RANBP17: variants seen among roughly 807,000 people sequenced by gnomAD.
RANBP17 encodes the protein ran-binding protein 17.
RANBP17 carries 158 observed loss-of-function variants against 141.2 expected under a neutral mutation model. That is an observed-to-expected ratio of 1.12 (90% CI 0.98 to 1.28). The LOEUF (loss-of-function observed/expected upper bound fraction) is 1.28. Ranked by LOEUF, RANBP17 falls within the 50% of genes most tolerant of loss-of-function variation. RANBP17 has a pLI of 0.00. For synonymous variants in RANBP17, 430 were observed against 450.0 expected, an observed-to-expected ratio of 0.96 and a Z score of 0.56; for missense variants, 1,438 against 1,290.7, an observed-to-expected ratio of 1.11 and a Z score of -1.75.
intron 18 of RANBP17, among the ~76,000 whole-genome samples, chr5:171,184,867 A>G (rs1016462258): frequency 6.6e-6 from 1 of 152,152 alleles, no homozygotes; most frequent in Non-Finnish European, 1.5e-5. Context: ...TCTTAATTTA[A>G]AATACTTTAT....
chr5:170,864,185 A>G (rs1767050602), intron 1 of RANBP17, among the ~76,000 whole-genome samples: 1 of 152,188 alleles, frequency 6.6e-6, no homozygotes, highest in Non-Finnish European at 1.5e-5. Flanking sequence ...AGTAGGCCTC[A>G]TAACTCATAA....
At chr5:171,107,890 C>T (rs1184020931) in intron 14 of RANBP17, among the ~76,000 whole-genome samples, 2 of 152,154 alleles carry the variant, frequency 1.3e-5, no homozygotes, top group African/African-American at 4.8e-5. Flanking sequence ...AATCATTTAC[C>T]ACTATGCTCC....
chr5:170,985,250 A>G (rs760180259), intron 14 of RANBP17, among the ~76,000 whole-genome samples: 7 of 152,134 alleles, frequency 4.6e-5, no homozygotes, highest in Non-Finnish European at 8.8e-5. Flanking sequence ...AGCTTACCCT[A>G]CCATAAACAT....
At chr5:171,097,514 A>G (rs1445876873) in intron 14 of RANBP17, among the ~76,000 whole-genome samples, 2 of 151,724 alleles carry the variant, frequency 1.3e-5, no homozygotes, top group Non-Finnish European at 2.9e-5. Context: ...TATTGTCCTC[A>G]TTTTAGAGAA....
intron 12 of RANBP17, 154 bp downstream of exon 12, chr5:170,924,704 T>C (rs1227846879): frequency 2.0e-6 from 1 of 500,724 alleles, no homozygotes; most frequent in Non-Finnish European, 3.4e-6. Flanking sequence ...CCTGGGTATA[T>C]TGGTAATTTG....
intron 14 of RANBP17, among the ~76,000 whole-genome samples, chr5:171,041,045 G>A (rs961100773): frequency 1.1e-4 from 17 of 152,150 alleles, no homozygotes; most frequent in African/African-American, 3.9e-4. Context: ...GCTTGCTCAC[G>A]TAACTGTTAA....
chr5:170,942,620 A>C (rs1026433849), intron 12 of RANBP17, among the ~76,000 whole-genome samples: 1 of 152,196 alleles, frequency 6.6e-6, no homozygotes, highest in Admixed American at 6.5e-5. Context: ...ATATTGACTC[A>C]TGCTTACTTC....
chr5:171,062,852 T>C (rs547516255), intron 14 of RANBP17, among the ~76,000 whole-genome samples: 3,997 of 152,088 alleles, frequency 0.026, 134 homozygotes, highest in African/African-American at 0.09. Context: ...GGAGGCTTTG[T>C]TCGTTTCTTT....
At chr5:171,293,224 G>A (rs1017355228) in intron 25 of RANBP17, among the ~76,000 whole-genome samples, 12 of 152,148 alleles carry the variant, frequency 7.9e-5, no homozygotes, top group Admixed American at 3.9e-4. Context: ...TCTCCCCCAG[G>A]AGGTTTCAAA....
At chr5:171,277,643 A>ATATATATATATATATT (rs1767593589) in intron 25 of RANBP17, among the ~76,000 whole-genome samples, 1 of 117,222 alleles carries the variant, frequency 8.5e-6, no homozygotes, top group African/African-American at 3.4e-5. Flanking sequence ...GTATGTATAT[A>ATATATATATATATATT]TATATATATA....
chr5:170,916,882 AT>A, intron 9 of RANBP17, among the ~76,000 whole-genome samples: 1 of 151,762 alleles, frequency 6.6e-6, no homozygotes, highest in Non-Finnish European at 1.5e-5. Context: ...ACCTCTGCTA[AT>A]TTTTGTATTT....
At chr5:171,064,719 C>A (rs999861363) in intron 14 of RANBP17, among the ~76,000 whole-genome samples, 1 of 151,980 alleles carries the variant, frequency 6.6e-6, no homozygotes, top group Admixed American at 6.6e-5. Context: ...TGGGGTTTCT[C>A]CATGTTGCGT....
intron 13 of RANBP17, among the ~76,000 whole-genome samples, chr5:170,963,376 C>T (rs530660430): frequency 7.9e-5 from 12 of 152,224 alleles, no homozygotes; most frequent in Middle Eastern, 3.4e-3. Flanking sequence ...CACAAAAATA[C>T]CTGATTCAGG....
chr5:170,952,494 A>G (rs1253867241), intron 12 of RANBP17, among the ~76,000 whole-genome samples: 1 of 152,112 alleles, frequency 6.6e-6, no homozygotes, highest in African/African-American at 2.4e-5. Flanking sequence ...ACCAAAAATT[A>G]TAAAAGAGTT....
chr5:171,071,498 G>A (rs945813607), intron 14 of RANBP17, among the ~76,000 whole-genome samples: 1 of 151,728 alleles, frequency 6.6e-6, no homozygotes, highest in Non-Finnish European at 1.5e-5. Flanking sequence ...CCTGGCCAAA[G>A]GATAAACATA....
intron 14 of RANBP17, among the ~76,000 whole-genome samples, chr5:171,165,110 A>G (rs1464565796): frequency 6.6e-6 from 1 of 152,224 alleles, no homozygotes; most frequent in African/African-American, 2.4e-5. Flanking sequence ...TTGTTGAGTA[A>G]CTATTAAATG....
intron 22 of RANBP17, among the ~76,000 whole-genome samples, chr5:171,229,520 G>A (rs769351680): frequency 1.3e-5 from 2 of 151,452 alleles, no homozygotes; most frequent in Admixed American, 6.6e-5. Flanking sequence ...TCAGCCTCCC[G>A]AGTAACTGGG....
chr5:171,180,406 C>T (rs1760795691), intron 16 of RANBP17, among the ~76,000 whole-genome samples: 1 of 152,194 alleles, frequency 6.6e-6, no homozygotes, highest in Non-Finnish European at 1.5e-5. Flanking sequence ...ACTCTCAAGA[C>T]TTCTAGTACT....
At chr5:171,272,268 T>A (rs896449768) in intron 25 of RANBP17, among the ~76,000 whole-genome samples, 7 of 152,180 alleles carry the variant, frequency 4.6e-5, no homozygotes, top group East Asian at 3.8e-4. Context: ...CGTGACAAAG[T>A]AATCTGTACA....
Sources: gnomAD v4.1 joint callset for allele counts (sites outside exome capture counted in the v4.1 genomes callset) on GRCh38, gnomAD v4.1.1 for gene constraint, MANE v1.5 for transcripts, NCBI Gene and HGNC (gene_info 2026-07-23, HGNC 2026-07-21) for gene names.